Variants in IL15 observed in about 807,000 individuals in gnomAD.
The protein encoded by IL15 is interleukin 15.
Under a neutral mutation model 19.6 loss-of-function variants are expected in IL15, and 11 were observed. That is an observed-to-expected ratio of 0.56 (90% confidence interval 0.35 to 0.93). The LOEUF (loss-of-function observed/expected upper bound fraction) is 0.93, where lower values mean the gene tolerates loss of function less well. Ranked by LOEUF, IL15 falls within the 40% of genes least tolerant of loss-of-function variation. IL15 has a pLI of 0.01. For synonymous variants in IL15, 58 were observed against 59.6 expected, an observed-to-expected ratio of 0.97 and a Z score of 0.12; for missense variants, 197 against 186.5, an observed-to-expected ratio of 1.06 and a Z score of -0.33.
At chr4:141,709,278 A>T (rs1292510461) in intron 2 of IL15, among the ~76,000 whole-genome samples, 2 of 152,160 alleles carry the variant, frequency 1.3e-5, no homozygotes, top group Non-Finnish European at 2.9e-5. Flanking sequence ...GACCTTTTAC[A>T]AATATTCTGT....
At chr4:141,649,613 C>G (rs1312179720) in intron 1 of IL15, among the ~76,000 whole-genome samples, 1 of 152,016 alleles carries the variant, frequency 6.6e-6, no homozygotes, top group Non-Finnish European at 1.5e-5. Context: ...AATGGGAGAG[C>G]TCAGAAAAGT....
chr4:141,685,562 T>C (rs562207515), intron 2 of IL15, among the ~76,000 whole-genome samples: 3 of 152,340 alleles, frequency 2.0e-5, no homozygotes, highest in African/African-American at 7.2e-5. Flanking sequence ...AAATCTCTGC[T>C]ATTTTTTCCG....
At chr4:141,701,607 A>G (rs1217135568) in intron 2 of IL15, among the ~76,000 whole-genome samples, 1 of 152,178 alleles carries the variant, frequency 6.6e-6, no homozygotes, top group East Asian at 1.9e-4. Flanking sequence ...CTTCAGTCCA[A>G]TAGGAGAGGT....
At chr4:141,727,860 T>TA (rs1730319830) in intron 5 of IL15, 80 bp from the exon 6 acceptor site, 1 of 705,852 alleles carries the variant, frequency 1.4e-6, no homozygotes, top group Admixed American at 2.7e-5. Context: ...AAAAACAATT[T>TA]AATGTTTTCA....
intron 2 of IL15, among the ~76,000 whole-genome samples, chr4:141,677,685 G>T (rs562286233): frequency 6.6e-6 from 1 of 152,272 alleles, no homozygotes; most frequent in African/African-American, 2.4e-5. Flanking sequence ...GCAATGGCAT[G>T]TTGAAACCTT....
chr4:141,671,110 T>A (rs1405711592), intron 2 of IL15, among the ~76,000 whole-genome samples: 1 of 152,150 alleles, frequency 6.6e-6, no homozygotes, highest in African/African-American at 2.4e-5. Flanking sequence ...TATATGCTAG[T>A]CTTAATGTAT....
chr4:141,726,996 T>C (rs13107813), intron 5 of IL15, among the ~76,000 whole-genome samples: 16,659 of 152,180 alleles, frequency 0.11, 1,548 homozygotes, highest in East Asian at 0.42. Flanking sequence ...AACTATGACA[T>C]TTTGAAAAAG....
chr4:141,646,204 T>G (rs965006844), intron 1 of IL15, among the ~76,000 whole-genome samples: 1 of 152,044 alleles, frequency 6.6e-6, no homozygotes, highest in African/African-American at 2.4e-5. Context: ...GCTACTCCTC[T>G]ATTCCAAACC....
intron 1 of IL15, among the ~76,000 whole-genome samples, chr4:141,642,307 C>G (rs1578982213): frequency 6.6e-6 from 1 of 152,104 alleles, no homozygotes; most frequent in Non-Finnish European, 1.5e-5. Context: ...TCAGGCATAT[C>G]TCTGGTAAAA....
intron 2 of IL15, among the ~76,000 whole-genome samples, chr4:141,705,588 C>T (rs146782054): frequency 6.6e-6 from 1 of 151,980 alleles, no homozygotes; most frequent in Non-Finnish European, 1.5e-5. Context: ...TCTGTTAGGG[C>T]CATTTGGTCT....
In IL15 at chr4:141,729,862, A is replaced by G; in HGVS notation, c.256A>G (p.Thr86Ala). The G allele has an allele frequency of 6.4e-7, 1 of 1,568,658 alleles. No homozygotes were observed. The highest frequency in any genetic ancestry group is 8.8e-7 in the Non-Finnish European group (1 of 1,140,510). The part of the protein sequence containing the change: ...ESDVHPSCKV[T>A]AMKCFLLELQ... Reference sequence around the variant, plus strand: ...TTATTTTTAGCCCAGTTGCAAAGTAACAGCAATGAAGTGCTTTCTCTTGGA... The same window carrying G: ...TTATTTTTAGCCCAGTTGCAAAGTAGCAGCAATGAAGTGCTTTCTCTTGGA... The change falls in exon 7 of 8, where the codon ACA becomes GCA. Residue 86 changes from threonine (T) to alanine (A), a missense_variant. Transcript: ENST00000320650.
At chr4:141,719,298 A>T in intron 2 of IL15, 68 bp from the exon 3 acceptor site, 1 of 542,110 alleles carries the variant, frequency 1.8e-6, no homozygotes, top group Non-Finnish European at 3.3e-6. Context: ...TTCAATAAGT[A>T]TTAATTCCCT....
intron 2 of IL15, among the ~76,000 whole-genome samples, chr4:141,660,835 A>G (rs1263751240): frequency 1.3e-5 from 2 of 152,174 alleles, no homozygotes; most frequent in Non-Finnish European, 2.9e-5. Flanking sequence ...TACATTTCCT[A>G]GGAAGGGAAC....
chr4:141,709,392 T>C (rs972903544), intron 2 of IL15, among the ~76,000 whole-genome samples: 7 of 152,206 alleles, frequency 4.6e-5, no homozygotes, highest in Non-Finnish European at 8.8e-5. Flanking sequence ...TTCATTGTGT[T>C]TTTAAAATTT....
intron 2 of IL15, among the ~76,000 whole-genome samples, chr4:141,664,396 C>T (rs1479033197): frequency 7.9e-6 from 1 of 126,742 alleles, no homozygotes; most frequent in South Asian, 2.7e-4. Context: ...CACACAAAAC[C>T]AACAACAAAA....
At chr4:141,698,150 C>A (rs1729162801) in intron 2 of IL15, among the ~76,000 whole-genome samples, 1 of 151,974 alleles carries the variant, frequency 6.6e-6, no homozygotes, top group African/African-American at 2.4e-5. Flanking sequence ...TATTGACTTG[C>A]ATGTGTTAAA....
At chr4:141,706,176 T>C (rs890762926) in intron 2 of IL15, among the ~76,000 whole-genome samples, 2 of 152,032 alleles carry the variant, frequency 1.3e-5, no homozygotes, top group African/African-American at 4.8e-5. Flanking sequence ...TGTGGTTTGG[T>C]GGTTTTATGT....
intron 2 of IL15, among the ~76,000 whole-genome samples, chr4:141,683,817 A>T (rs1264605748): frequency 6.6e-6 from 1 of 152,228 alleles, no homozygotes; most frequent in Non-Finnish European, 1.5e-5. Context: ...GGGAGAGAGC[A>T]GTACAGATGT....
intron 2 of IL15, among the ~76,000 whole-genome samples, chr4:141,662,408 A>G (rs917087051): frequency 3.3e-5 from 5 of 152,238 alleles, no homozygotes; most frequent in African/African-American, 1.2e-4. Context: ...ACCTTTTCAT[A>G]GTTAAGAAAT....
Sources: gnomAD v4.1 joint callset for allele counts (sites outside exome capture counted in the v4.1 genomes callset) on GRCh38, gnomAD v4.1.1 for gene constraint, MANE v1.5 for transcripts, NCBI Gene and HGNC (gene_info 2026-07-23, HGNC 2026-07-21) for gene names.